The following OR9Q1 variants were observed in gnomAD, a reference collection of about 807,000 sequenced individuals.
OR9Q1 encodes the protein olfactory receptor 9Q1.
For missense variants in OR9Q1, 374 were observed against 378.8 expected (o/e 0.99, Z 0.11); for synonymous variants, 153 against 148.6 (o/e 1.03, Z -0.22).
At chr11:58,123,231 G>T (rs974410803) in intron 2 of OR9Q1, among the ~76,000 whole-genome samples, 1 of 152,104 alleles carries the variant, frequency 6.6e-6, no homozygotes, top group African/African-American at 2.4e-5. Context: ...TTGTTTTGTT[G>T]TCTCCCTCCA....
chr11:58,046,752 A>G (rs527503290), intron 1 of OR9Q1, among the ~76,000 whole-genome samples: 4 of 151,978 alleles, frequency 2.6e-5, no homozygotes, highest in Admixed American at 2.6e-4. Flanking sequence ...AATCCCAGCT[A>G]CTCTGGAGGC....
intron 2 of OR9Q1, among the ~76,000 whole-genome samples, chr11:58,143,023 C>CT (rs1854265494): frequency 6.6e-6 from 1 of 152,172 alleles, no homozygotes; most frequent in African/African-American, 2.4e-5. Flanking sequence ...TTATGGCTCA[C>CT]TGTCTGGCAT....
chr11:58,166,049 C>T (rs1230984888), intron 2 of OR9Q1, among the ~76,000 whole-genome samples: 1 of 152,168 alleles, frequency 6.6e-6, no homozygotes, highest in African/African-American at 2.4e-5. Flanking sequence ...CTTGGACTAA[C>T]CATATAACGA....
chr11:58,088,835 C>T (rs2120059552), intron 2 of OR9Q1, among the ~76,000 whole-genome samples: 1 of 151,648 alleles, frequency 6.6e-6, no homozygotes, highest in Non-Finnish European at 1.5e-5. Flanking sequence ...TAATTAAATC[C>T]CATTTGTCAA....
intron 1 of OR9Q1, among the ~76,000 whole-genome samples, chr11:58,029,955 C>T (rs922048727): frequency 6.6e-6 from 1 of 151,962 alleles, no homozygotes; most frequent in African/African-American, 2.4e-5. Flanking sequence ...GATTCTCCTG[C>T]CTCAGCCTCT....
chr11:58,085,298 A>G (rs1283542572), intron 2 of OR9Q1, among the ~76,000 whole-genome samples: 2 of 151,872 alleles, frequency 1.3e-5, no homozygotes, highest in Admixed American at 6.6e-5. Context: ...TGAGTTTGAC[A>G]TATACATACC....
chr11:58,067,331 C>T (rs144520087), intron 2 of OR9Q1, among the ~76,000 whole-genome samples: 2 of 152,240 alleles, frequency 1.3e-5, no homozygotes, highest in Admixed American at 6.5e-5. Flanking sequence ...CCACCAAGCC[C>T]GGTCCTGTTT....
At chr11:58,150,795 G>C (rs1854343904) in intron 2 of OR9Q1, among the ~76,000 whole-genome samples, 1 of 152,108 alleles carries the variant, frequency 6.6e-6, no homozygotes, top group South Asian at 2.1e-4. Flanking sequence ...TGTTATTTTA[G>C]AGTGTATTCC....
chr11:58,119,652 C>A (rs574958396), intron 2 of OR9Q1, among the ~76,000 whole-genome samples: 1 of 152,252 alleles, frequency 6.6e-6, no homozygotes, highest in East Asian at 1.9e-4. Flanking sequence ...GCTGGTATTT[C>A]TGATTCAAAC....
At chr11:58,082,830 A>G (rs1192710469) in intron 2 of OR9Q1, among the ~76,000 whole-genome samples, 1 of 149,486 alleles carries the variant, frequency 6.7e-6, no homozygotes, top group African/African-American at 2.5e-5. Flanking sequence ...GTTTTAGGGT[A>G]TATGTGCACA....
chr11:58,161,401 G>A lies in OR9Q1; in HGVS notation c.-14-18030G>A, dbSNP rs151097639. On this transcript the variant is annotated intron_variant, in intron 2 of 2. Coordinates refer to ENST00000335397, the MANE Select transcript of OR9Q1 (RefSeq NM_001005212.4). ...AGAGAGAGAAGAATGAGGCAATGGC[G>A]TAATAGATGGACAGAAAATACTGCC... Among the ~76,000 whole-genome samples, 722 of 152,212 alleles carry A rather than the reference G, an allele frequency of 4.7e-3. 5 individuals carry two copies. The highest frequency in any genetic ancestry group is 8.0e-3 in the Non-Finnish European group (542 of 68,006).
chr11:58,082,127 G>A (rs978114058), intron 2 of OR9Q1, among the ~76,000 whole-genome samples: 4 of 152,156 alleles, frequency 2.6e-5, no homozygotes, highest in Non-Finnish European at 4.4e-5. Flanking sequence ...TGCTGGAGAG[G>A]ATGTGGAGAA....
At chr11:58,096,781 A>G (rs1590587865) in intron 2 of OR9Q1, among the ~76,000 whole-genome samples, 2 of 147,512 alleles carry the variant, frequency 1.4e-5, no homozygotes, top group African/African-American at 5.0e-5. Flanking sequence ...TCGGCTCACT[A>G]CAACCTACAT....
intron 2 of OR9Q1, among the ~76,000 whole-genome samples, chr11:58,086,912 T>C (rs1853639202): frequency 6.6e-6 from 1 of 151,752 alleles, no homozygotes; most frequent in Non-Finnish European, 1.5e-5. Flanking sequence ...TTAGGAGGAA[T>C]AAGATTTAGT....
chr11:58,121,011 T>A (rs573602487), intron 2 of OR9Q1, among the ~76,000 whole-genome samples: 191 of 152,122 alleles, frequency 1.3e-3, no homozygotes, highest in African/African-American at 4.2e-3. Flanking sequence ...TACGGGTTGA[T>A]TCTACTATCA....
chr11:58,105,200 G>A (rs1853828422), intron 2 of OR9Q1, among the ~76,000 whole-genome samples: 1 of 151,888 alleles, frequency 6.6e-6, no homozygotes, highest in South Asian at 2.1e-4. Context: ...TTATCTTTAA[G>A]AAATTGTGTA....
rs1853999341 is a variant in OR9Q1, at chr11:58,119,280, G to A, written c.-14-60151G>A. ...TCAGGAAGAAGTACATTGGGGTGTA[G>A]AGTTTGACATCTACTTGGATTAACA... On this transcript the variant is annotated intron_variant, in intron 2 of 2. Coordinates refer to ENST00000335397, the MANE Select transcript of OR9Q1 (RefSeq NM_001005212.4). 5 of 1,614,052 alleles carry A rather than the reference G, an allele frequency of 3.1e-6. No homozygotes were observed. The African/African-American group carries it at 5.3e-5, about 17-fold the overall frequency.
intron 2 of OR9Q1, among the ~76,000 whole-genome samples, chr11:58,058,730 A>G (rs760007917): frequency 3.3e-5 from 5 of 152,138 alleles, no homozygotes; most frequent in Admixed American, 6.6e-5. Flanking sequence ...GATCTTTGAG[A>G]AGGCCATGCA....
At chr11:58,054,761 T>C (rs1853311369) in intron 1 of OR9Q1, among the ~76,000 whole-genome samples, 1 of 152,014 alleles carries the variant, frequency 6.6e-6, no homozygotes, top group South Asian at 2.1e-4. Flanking sequence ...CCATCTCTAC[T>C]AAAAATACAA....
Sources: allele counts gnomAD v4.1 joint callset (sites outside exome capture counted in the v4.1 genomes callset), GRCh38; gene constraint gnomAD v4.1.1; transcripts MANE v1.5; gene names NCBI Gene and HGNC (gene_info 2026-07-23, HGNC 2026-07-21).